QTMAN: variants seen among roughly 807,000 people sequenced by gnomAD.
The protein encoded by QTMAN is tRNA-queuosine alpha-mannosyltransferase.
the QTMAN span, among the ~76,000 whole-genome samples, chr2:143,986,719 A>C: frequency 2.0e-5 from 3 of 152,164 alleles, no homozygotes; most frequent in South Asian, 6.2e-4. Context: ...AAATGCATAA[A>C]CCCTTGGGGA....
At chr2:144,188,287 T>A in the QTMAN span, among the ~76,000 whole-genome samples, 4 of 152,190 alleles carry the variant, frequency 2.6e-5, no homozygotes, top group Admixed American at 2.0e-4. Context: ...TTTTTTTTTT[T>A]AATTTAAGCT....
chr2:144,186,556 T>C, the QTMAN span, among the ~76,000 whole-genome samples: 1 of 152,188 alleles, frequency 6.6e-6, no homozygotes. Context: ...TTCATTCCTC[T>C]TCAAATTCTC....
chr2:144,029,648 T>C, the QTMAN span, among the ~76,000 whole-genome samples: 128 of 152,218 alleles, frequency 8.4e-4, no homozygotes, highest in African/African-American at 3.0e-3. Flanking sequence ...TAAAAAAACA[T>C]GCTAGCAAAG....
the QTMAN span, among the ~76,000 whole-genome samples, chr2:144,184,835 G>C: frequency 3.9e-5 from 6 of 152,036 alleles, no homozygotes; most frequent in Non-Finnish European, 1.5e-5. Context: ...TATATAGTTA[G>C]AAGCTTAAAT....
chr2:143,968,030 T>G, the QTMAN span, among the ~76,000 whole-genome samples: 1 of 152,170 alleles, frequency 6.6e-6, no homozygotes, highest in Non-Finnish European at 1.5e-5. Flanking sequence ...CAGAATGGCC[T>G]GTTAGGAAGC....
At chr2:144,226,964 T>A in the QTMAN span, among the ~76,000 whole-genome samples, 3 of 152,150 alleles carry the variant, frequency 2.0e-5, no homozygotes, top group African/African-American at 7.2e-5. Flanking sequence ...CAAGCAGATG[T>A]AAAGATGACC....
chr2:144,134,119 T>G, the QTMAN span, among the ~76,000 whole-genome samples: 3 of 152,158 alleles, frequency 2.0e-5, no homozygotes, highest in African/African-American at 7.2e-5. Flanking sequence ...CCTTCTGTCC[T>G]ATCAATCCAC....
At chr2:144,082,087 T>G in the QTMAN span, among the ~76,000 whole-genome samples, 1 of 152,112 alleles carries the variant, frequency 6.6e-6, no homozygotes, top group Admixed American at 6.5e-5. Context: ...GGACGAGGTT[T>G]TGCCATGTTG....
the QTMAN span, among the ~76,000 whole-genome samples, chr2:144,248,138 CAG>C: frequency 2.6e-5 from 4 of 152,078 alleles, no homozygotes; most frequent in Admixed American, 2.6e-4. Context: ...TAGTAAAACA[CAG>C]AAACAATCTA....
the QTMAN span, among the ~76,000 whole-genome samples, chr2:143,969,817 G>A: frequency 1.3e-5 from 2 of 152,172 alleles, no homozygotes; most frequent in Non-Finnish European, 2.9e-5. Context: ...ATGAGACAAG[G>A]CTACTGAGAT....
chr2:144,330,342 G>A, the QTMAN span, among the ~76,000 whole-genome samples: 2 of 152,156 alleles, frequency 1.3e-5, no homozygotes, highest in Admixed American at 6.5e-5. Context: ...GTGTGAAGTA[G>A]GCTATACCAT....
the QTMAN span, among the ~76,000 whole-genome samples, chr2:144,303,106 C>T: frequency 0.027 from 4,050 of 151,234 alleles, 172 homozygotes; most frequent in African/African-American, 0.093. Flanking sequence ...AAACTCATCT[C>T]CAAAAAAAAA....
chr2:144,246,054 C>A, the QTMAN span, among the ~76,000 whole-genome samples: 7 of 152,088 alleles, frequency 4.6e-5, no homozygotes, highest in Non-Finnish European at 1.0e-4. Flanking sequence ...TTAACACAGA[C>A]CTAATTATGT....
At chr2:143,970,013 T>C in the QTMAN span, among the ~76,000 whole-genome samples, 1 of 152,224 alleles carries the variant, frequency 6.6e-6, no homozygotes, top group Admixed American at 6.5e-5. Context: ...ACATGAATAC[T>C]TGTATAACTT....
chr2:144,136,058 G>A, the QTMAN span, among the ~76,000 whole-genome samples: 2 of 152,108 alleles, frequency 1.3e-5, no homozygotes, highest in East Asian at 1.9e-4. Context: ...AGGCAAGGTG[G>A]CTCATGGTTG....
the QTMAN span, among the ~76,000 whole-genome samples, chr2:144,044,171 CAG>C: frequency 1.3e-5 from 2 of 152,108 alleles, no homozygotes; most frequent in Non-Finnish European, 2.9e-5. Context: ...CACTTTGAAA[CAG>C]ACCACATTTG....
chr2:144,169,394 G>T, the QTMAN span, among the ~76,000 whole-genome samples: 1 of 152,148 alleles, frequency 6.6e-6, no homozygotes, highest in South Asian at 2.1e-4. Context: ...GCCAAAGTTG[G>T]TTCACCTGTC....
chr2:144,267,151 T>G, the QTMAN span, among the ~76,000 whole-genome samples: 1 of 152,180 alleles, frequency 6.6e-6, no homozygotes, highest in East Asian at 1.9e-4. Context: ...TAGGCAATGA[T>G]GTGAAATAGA....
At chr2:144,140,087 C>T in the QTMAN span, among the ~76,000 whole-genome samples, 1 of 152,018 alleles carries the variant, frequency 6.6e-6, no homozygotes, top group Non-Finnish European at 1.5e-5. Flanking sequence ...TAATCACTTA[C>T]TTACACTATA....
Sources: gnomAD v4.1 joint callset for allele counts (sites outside exome capture counted in the v4.1 genomes callset) on GRCh38, gnomAD v4.1.1 for gene constraint, MANE v1.5 for transcripts, NCBI Gene and HGNC (gene_info 2026-07-23, HGNC 2026-07-21) for gene names.